Variants in ADD3 observed in about 807,000 individuals in gnomAD.
The protein encoded by ADD3 is adducin 3.
In ADD3, 25 loss-of-function variants were observed where a neutral mutation model predicts 80.2. The observed-to-expected ratio is 0.31, with a 90% CI of 0.23 to 0.44. The LOEUF is 0.44. ADD3 is among the 20% of genes least tolerant of loss of function. ADD3 has a pLI of 1.00. For synonymous variants in ADD3, 284 were observed against 289.6 expected (o/e 0.98, Z 0.20); for missense variants, 829 against 847.5 (o/e 0.98, Z 0.27).
intron 2 of ADD3, among the ~76,000 whole-genome samples, chr10:110,101,413 C>T (rs1046513209): frequency 2.6e-5 from 4 of 152,118 alleles, no homozygotes; most frequent in Non-Finnish European, 5.9e-5. Flanking sequence ...GCAGGAGGCT[C>T]ACTTGAGCAC....
intron 1 of ADD3, among the ~76,000 whole-genome samples, chr10:110,009,748 A>G (rs1852107805): frequency 6.6e-6 from 1 of 152,236 alleles, no homozygotes; most frequent in Admixed American, 6.5e-5. Context: ...CTGTGATAAC[A>G]CTTAAGGTGC....
intron 3 of ADD3, among the ~76,000 whole-genome samples, chr10:110,114,626 G>C (rs183789083): frequency 4.2e-4 from 64 of 152,220 alleles, no homozygotes; most frequent in Admixed American, 1.3e-3. Context: ...AGGAGGTAGA[G>C]GTTACTGAAA....
At chr10:110,107,998 GA>G (rs1224964488) in intron 2 of ADD3, among the ~76,000 whole-genome samples, 1 of 152,040 alleles carries the variant, frequency 6.6e-6, no homozygotes, top group African/African-American at 2.4e-5. Flanking sequence ...CTGTATCTGA[GA>G]AAGAAGACAT....
chr10:110,130,388 A>T lies in ADD3; in HGVS notation c.1634A>T (p.His545Leu), dbSNP rs779935304. 4 of 1,614,034 alleles carry T rather than the reference A, an allele frequency of 2.5e-6. No individual in the cohort carries two copies. The highest frequency in any genetic ancestry group is 3.4e-6 in the Non-Finnish European group (4 of 1,180,008). The change falls in exon 13 of 15, where the codon CAT becomes CTT. Residue 545 changes from histidine to leucine, a missense_variant. Coordinates refer to ENST00000356080, the MANE Select transcript of ADD3 (RefSeq NM_016824.5). ...ACTATGCAATTTGAAGATGATGATC[A>T]TGGCCCACCAGCTCCTCCTAACCCA... Reference protein sequence around the residue: ...PSTMQFEDDDHGPPAPPNPFS... With the variant: ...PSTMQFEDDDLGPPAPPNPFS...
chr10:110,015,489 C>T (rs1417291253), intron 1 of ADD3, among the ~76,000 whole-genome samples: 2 of 151,618 alleles, frequency 1.3e-5, no homozygotes, highest in Non-Finnish European at 2.9e-5. Flanking sequence ...CATTCTCCTG[C>T]CTCAGCCTCC....
chr10:110,079,998 C>T (rs1845887618), intron 1 of ADD3, among the ~76,000 whole-genome samples: 1 of 152,210 alleles, frequency 6.6e-6, no homozygotes, highest in African/African-American at 2.4e-5. Flanking sequence ...TCTCCTACCT[C>T]CGTTTTGGGA....
rs1433368031 is a variant in ADD3, at chr10:110,133,831, C to G, written c.*213C>G. On this transcript the variant is annotated 3_prime_UTR_variant, in exon 15 of 15. Transcript: ENST00000356080. ...AATGGCTTTGAATTTTAAGCAATTA[C>G]TAGTTTTAATTAGCTCTGCCCTCAT... is the stretch of plus-strand genomic sequence containing the variant. 4.9e-6 allele frequency: 2 copies of G among 404,412 alleles called. No homozygotes were observed. The highest frequency in any genetic ancestry group is 4.1e-5 in the African/African-American group (2 of 48,520). 25.1% of individuals were successfully genotyped at this position (404,412 alleles called of 1,614,324 possible).
intron 1 of ADD3, among the ~76,000 whole-genome samples, chr10:110,023,895 C>G (rs1453389128): frequency 1.3e-5 from 2 of 152,128 alleles, no homozygotes; most frequent in Non-Finnish European, 2.9e-5. Context: ...ATTGCATTAT[C>G]CCAAGCAAAT....
intron 2 of ADD3, among the ~76,000 whole-genome samples, chr10:110,111,394 T>C (rs1310964973): frequency 6.6e-6 from 1 of 152,058 alleles, no homozygotes; most frequent in African/African-American, 2.4e-5. Flanking sequence ...TGGTTGGGTG[T>C]GATGGAAAGT....
chr10:109,997,155 G>A (rs943500661), intron 1 of ADD3, among the ~76,000 whole-genome samples: 1 of 152,194 alleles, frequency 6.6e-6, no homozygotes, highest in Non-Finnish European at 1.5e-5. Flanking sequence ...GGTTTTATGA[G>A]GTCTTCGTAG....
chr10:110,031,644 A>G (rs1395248355), intron 1 of ADD3, among the ~76,000 whole-genome samples: 1 of 151,640 alleles, frequency 6.6e-6, no homozygotes, highest in Non-Finnish European at 1.5e-5. Flanking sequence ...AGGATCCTTA[A>G]GTTGTTTTCC....
intron 1 of ADD3, among the ~76,000 whole-genome samples, chr10:110,063,723 A>AGTATATATATTCATTATAT (rs1843476993): frequency 1.0e-5 from 1 of 98,952 alleles, no homozygotes; most frequent in African/African-American, 3.7e-5. Flanking sequence ...GATGAATATG[A>AGTATATATATTCATTATAT]ATATATATAT....
intron 1 of ADD3, among the ~76,000 whole-genome samples, chr10:110,084,507 T>G (rs1182930672): frequency 6.6e-6 from 1 of 152,218 alleles, no homozygotes; most frequent in East Asian, 1.9e-4. Context: ...GATCATATGG[T>G]CTACAGTCTT....
chr10:110,086,861 G>C (rs1312021904), intron 1 of ADD3, among the ~76,000 whole-genome samples: 3 of 152,162 alleles, frequency 2.0e-5, no homozygotes, highest in Non-Finnish European at 4.4e-5. Context: ...GATGCTGAGA[G>C]ATACTAAACT....
At chr10:110,046,933 T>C (rs915909660) in intron 1 of ADD3, among the ~76,000 whole-genome samples, 1 of 152,120 alleles carries the variant, frequency 6.6e-6, no homozygotes, top group South Asian at 2.1e-4. Context: ...GAGGTTTGTA[T>C]TGAAGCATTG....
At chr10:110,073,413 A>G (rs1845015942) in intron 1 of ADD3, among the ~76,000 whole-genome samples, 1 of 152,078 alleles carries the variant, frequency 6.6e-6, no homozygotes, top group South Asian at 2.1e-4. Context: ...AACTGCTGGG[A>G]TTACAGGCGT....
chr10:110,091,761 A>G (rs964054329), intron 1 of ADD3, among the ~76,000 whole-genome samples: 2 of 152,208 alleles, frequency 1.3e-5, no homozygotes, highest in Non-Finnish European at 2.9e-5. Flanking sequence ...TGACATAATT[A>G]AAGAGCCTTC....
intron 8 of ADD3, chr10:110,121,860 G>GT (rs2134148695): frequency 3.1e-6 from 1 of 318,724 alleles, no homozygotes; most frequent in African/African-American, 2.1e-5. Context: ...CTTAAAATAT[G>GT]TTAAGAGGTA....
At chr10:110,005,552 T>C (rs371022948), upstream of ADD3, among the ~76,000 whole-genome samples, 2 of 152,330 alleles carry the variant, frequency 1.3e-5, no homozygotes, top group East Asian at 3.8e-4. Flanking sequence ...CTTTCCTTTA[T>C]ATAGTTATTA....
Sources: allele counts gnomAD v4.1 joint callset (sites outside exome capture counted in the v4.1 genomes callset), GRCh38; gene constraint gnomAD v4.1.1; transcripts MANE v1.5; gene names NCBI Gene and HGNC (gene_info 2026-07-23, HGNC 2026-07-21).